The following PRDM11 variants were observed in gnomAD, a reference collection of about 807,000 sequenced individuals.
PRDM11 encodes the protein PR/SET domain 11.
A neutral mutation model predicts 97.8 loss-of-function variants in PRDM11; 20 were observed. The observed-to-expected ratio is 0.20, with a 90% CI of 0.14 to 0.30. The LOEUF is 0.30. PRDM11 is among the 10% of genes least tolerant of loss of function. The pLI, the probability that PRDM11 is intolerant of heterozygous loss-of-function variation, is 1.00. For synonymous variants in PRDM11, 599 were observed against 637.7 expected, an observed-to-expected ratio of 0.94 and a Z score of 0.91; for missense variants, 1,139 against 1,555.2, an observed-to-expected ratio of 0.73 and a Z score of 4.50.
chr11:45,187,556 G>A (rs561917951), intron 4 of PRDM11, among the ~76,000 whole-genome samples: 61 of 152,328 alleles, frequency 4.0e-4, no homozygotes, highest in Middle Eastern at 3.4e-3. Flanking sequence ...CACCAGTCAC[G>A]AGTAGGCGTG....
intron 1 of PRDM11, among the ~76,000 whole-genome samples, chr11:45,115,777 A>G (rs1440745244): frequency 2.0e-5 from 3 of 152,010 alleles, no homozygotes; most frequent in Non-Finnish European, 2.9e-5. Context: ...TAAAAATAGA[A>G]AAATCAGCTG....
intron 1 of PRDM11, among the ~76,000 whole-genome samples, chr11:45,141,190 G>A (rs914111516): frequency 2.6e-5 from 4 of 152,152 alleles, no homozygotes; most frequent in Non-Finnish European, 5.9e-5. Flanking sequence ...TCATCTACAA[G>A]CTCCATAAAG....
At chr11:45,208,526 A>G (rs2135807380) in intron 5 of PRDM11, among the ~76,000 whole-genome samples, 1 of 152,292 alleles carries the variant, frequency 6.6e-6, no homozygotes, top group South Asian at 2.1e-4. Flanking sequence ...CTCCTTAGTA[A>G]TAAACCCGAA....
chr11:45,127,297 C>T (rs1165719240), intron 1 of PRDM11, among the ~76,000 whole-genome samples: 2 of 152,282 alleles, frequency 1.3e-5, no homozygotes, highest in East Asian at 1.9e-4. Context: ...TCCTGTAGCT[C>T]GGAGTAGTTT....
At chr11:45,212,845 C>T (rs554668507) in intron 5 of PRDM11, 5 of 445,966 alleles carry the variant, frequency 1.1e-5, no homozygotes, top group East Asian at 7.0e-5. Flanking sequence ...CCAGCCGTGT[C>T]GGTCAGATGT....
rs1447178924 is a variant in PRDM11, at chr11:45,224,589, C to T, written c.1115C>T (p.Ser372Phe). 5.0e-6 allele frequency: 8 copies of T among 1,613,980 alleles called. No individual in the cohort carries two copies. Among genetic ancestry groups the T allele is most frequent in the Non-Finnish European group, 6.8e-6 (8 of 1,180,024 alleles). Residue 372 changes from serine (S) to phenylalanine (F), a missense_variant, in exon 7 of 8, where the codon TCC becomes TTC. This residue lies in a region of PRDM11 where 429 missense variants were observed against 510.3 expected (regional missense o/e 0.84). Coordinates refer to ENST00000683152, the MANE Select transcript of PRDM11 (RefSeq NM_001384648.1). Reference protein sequence around the residue: ...EGDWKVPQGVSKEPGQLEDEE... With the variant: ...EGDWKVPQGVFKEPGQLEDEE... ...GACTGGAAGGTCCCCCAGGGGGTCTCCAAGGAGCCAGGCCAATTGGAGGAT... is the reference window on the plus strand; with the variant it reads ...GACTGGAAGGTCCCCCAGGGGGTCTTCAAGGAGCCAGGCCAATTGGAGGAT...
At chr11:45,123,911 A>G (rs560607487) in intron 1 of PRDM11, among the ~76,000 whole-genome samples, 18,562 of 145,172 alleles carry the variant, frequency 0.13, 1,268 homozygotes, top group Middle Eastern at 0.23. Context: ...TGGGGATGGC[A>G]TTGAATCTAT....
chr11:45,221,050 G>A (rs1379515038), intron 6 of PRDM11, among the ~76,000 whole-genome samples: 1 of 152,082 alleles, frequency 6.6e-6, no homozygotes, highest in African/African-American at 2.4e-5. Context: ...TCTTCACTTG[G>A]AATATGAGGG....
chr11:45,173,351 G>A (rs933755888), intron 1 of PRDM11, among the ~76,000 whole-genome samples: 2 of 152,152 alleles, frequency 1.3e-5, no homozygotes, highest in East Asian at 1.9e-4. Flanking sequence ...GCTGGGCGCG[G>A]TAGCTCACGC....
intron 1 of PRDM11, among the ~76,000 whole-genome samples, chr11:45,126,742 C>T (rs1304963649): frequency 4.6e-5 from 7 of 152,124 alleles, no homozygotes; most frequent in Non-Finnish European, 7.4e-5. Context: ...GTGGGTAACC[C>T]GACCTTTCTC....
Position 45,227,580 on chromosome 11 carries a change from C to T in PRDM11, c.2955C>T (p.Ala985=). 2 of 1,533,926 alleles carry T rather than the reference C, an allele frequency of 1.3e-6. No homozygotes were observed. Among genetic ancestry groups the T allele is most frequent in the Non-Finnish European group, 1.7e-6 (2 of 1,146,736 alleles). The change falls in exon 8 of 8, where the codon GCC becomes GCT. Residue 985 remains alanine, a synonymous_variant. Coordinates refer to ENST00000683152, the MANE Select transcript of PRDM11 (RefSeq NM_001384648.1). The surrounding 1 kb of genome is among the most constrained non-coding windows in gnomAD (Gnocchi z 8.0). ...FDSRSRIFVK[A]CQVFDLAAWP... ...CCCGCAGCCGGATCTTTGTGAAGGC[C>T]TGCCAGGTGTTTGACCTGGCTGCCT...
In PRDM11 at chr11:45,174,092, G is replaced by A. The variant is rs146174659; in HGVS notation, c.-6-7669G>A. ...CTTCACCTCTAACACCATAGTTGTG[G>A]CTGGTTGGTTTTTTTTGGTAACTCT... On this transcript the variant is annotated intron_variant, in intron 1 of 7. Coordinates refer to ENST00000683152, the MANE Select transcript of PRDM11 (RefSeq NM_001384648.1). Among the ~76,000 whole-genome samples the A allele has an allele frequency of 1.5e-4, 23 of 152,118 alleles. No homozygotes were observed. In the East Asian group the frequency reaches 2.5e-3, roughly 17 times the overall value.
chr11:45,132,802 G>A (rs1852747866), intron 1 of PRDM11, among the ~76,000 whole-genome samples: 1 of 152,204 alleles, frequency 6.6e-6, no homozygotes, highest in Non-Finnish European at 1.5e-5. Context: ...CTAGGGAGAA[G>A]ACCCAAAGAT....
At chr11:45,222,735 G>A (rs369102479) in intron 6 of PRDM11, among the ~76,000 whole-genome samples, 2 of 152,204 alleles carry the variant, frequency 1.3e-5, no homozygotes, top group African/African-American at 4.8e-5. Context: ...GAAACCAGAC[G>A]TGGAACATCT....
At chr11:45,146,145 G>A (rs977626947), upstream of PRDM11, among the ~76,000 whole-genome samples, 2 of 152,148 alleles carry the variant, frequency 1.3e-5, no homozygotes, top group Admixed American at 6.5e-5. Context: ...CGGGACGCCT[G>A]CGTCTCGCAA....
In PRDM11 at chr11:45,227,887, T is replaced by C; in HGVS notation, c.3262T>C (p.Cys1088Arg). The C allele has an allele frequency of 6.5e-7, 1 of 1,533,972 alleles. No homozygotes were observed. The highest frequency in any genetic ancestry group is 8.7e-7 in the Non-Finnish European group (1 of 1,146,732). The change falls in exon 8 of 8, where the codon TGC becomes CGC. Residue 1088 changes from cysteine (C) to arginine (R), a missense_variant. Cys to Arg is a radical substitution (Grantham distance 180, BLOSUM62 -3). Coordinates refer to ENST00000683152, the MANE Select transcript of PRDM11 (RefSeq NM_001384648.1). The surrounding 1 kb of genome is among the most constrained non-coding windows in gnomAD (Gnocchi z 8.0). ...AGTCCTCCCCACTTCCACCGCTTGC[T>C]GCGAGAAAGGCCGCAATGCCCTCCA... is the stretch of plus-strand genomic sequence containing the variant. ...LKVLPTSTACCEKGRNALQRV... is the reference protein window; with the variant it reads ...LKVLPTSTACREKGRNALQRV...
chr11:45,198,285 T>C (rs960116187), intron 4 of PRDM11, among the ~76,000 whole-genome samples: 1 of 152,228 alleles, frequency 6.6e-6, no homozygotes, highest in African/African-American at 2.4e-5. Flanking sequence ...TCTGTGGCCA[T>C]AGCAGAGGCC....
rs1033333995 is a variant in PRDM11 at position 45,134,759 on chromosome 11, A to G, written c.96+38858A>G. 2.1e-5 allele frequency among the ~76,000 whole-genome samples: 3 copies of G among 144,430 alleles called. No homozygotes were observed. The East Asian group carries it at 6.0e-4, about 29-fold the overall frequency. 94.8% of individuals were successfully genotyped at this position (144,430 alleles called of 152,430 possible). A position where few individuals can be genotyped will look rare whatever the true frequency, so the allele number is the denominator to read the frequency against. ...ATTTCAACATTATAATTAGCCACAC[A>G]TTTTTTTTAATTTTTAAAAAATGTA... On this transcript the variant is annotated intron_variant, in intron 1 of 6. Transcript: ENST00000530656.
chr11:45,146,161 G>GT (rs1214210258), upstream of PRDM11, among the ~76,000 whole-genome samples: 2 of 152,144 alleles, frequency 1.3e-5, no homozygotes, highest in African/African-American at 4.8e-5. Context: ...CGCAACTTCA[G>GT]TTTGTATCTC....
Sources: gnomAD v4.1 joint callset for allele counts (sites outside exome capture counted in the v4.1 genomes callset) on GRCh38, gnomAD v4.1.1 for gene constraint, gnomAD v4.1.1 regional missense constraint, Gnocchi (gnomAD v3.1) non-coding constraint, MANE v1.5 for transcripts, NCBI Gene and HGNC (gene_info 2026-07-23, HGNC 2026-07-21) for gene names.